Variants in PLAA observed in about 807,000 individuals in gnomAD.
PLAA encodes the protein phospholipase A2 activating protein.
Under a neutral mutation model 84.1 loss-of-function variants are expected in PLAA, and 48 were observed. The observed-to-expected ratio is 0.57, with a 90% CI of 0.45 to 0.73. The LOEUF (loss-of-function observed/expected upper bound fraction) is 0.73. PLAA is among the 30% of genes least tolerant of loss of function. The pLI is 0.00. For synonymous variants in PLAA, 392 were observed against 336.6 expected, an observed-to-expected ratio of 1.16 and a Z score of -1.80; for missense variants, 903 against 954.7, an observed-to-expected ratio of 0.95 and a Z score of 0.71.
intron 12 of PLAA, 35 bp downstream of exon 12, chr9:26,910,303 G>T: frequency 1.4e-6 from 2 of 1,462,480 alleles, no homozygotes; most frequent in Non-Finnish European, 1.9e-6. Flanking sequence ...CAAACAGTCT[G>T]TGAATATGTG....
intron 7 of PLAA, among the ~76,000 whole-genome samples, chr9:26,921,548 T>C (rs1824759803): frequency 6.6e-6 from 1 of 152,196 alleles, no homozygotes; most frequent in Non-Finnish European, 1.5e-5. Context: ...CTAACACACG[T>C]AGGTAGTTGA....
In PLAA at chr9:26,917,086, C is replaced by T. The variant is rs1316606307; in HGVS notation, c.1486+11G>A. ...GTGAAGAAAGATACATGAATCAAAA[C>T]TACATCCCACCTGTAAAAGGATCTG... On this transcript the variant is annotated intron_variant, in intron 10 of 13. Coordinates refer to ENST00000397292, the MANE Select transcript of PLAA (RefSeq NM_001031689.3). 1 of 1,610,334 alleles carries T rather than the reference C, an allele frequency of 6.2e-7. No homozygotes were observed. Among genetic ancestry groups the T allele is most frequent in the Non-Finnish European group, 8.5e-7 (1 of 1,176,922 alleles).
In PLAA at chr9:26,905,706, T is replaced by G. The variant is rs1419207852; in HGVS notation, c.2193A>C (p.Thr731=). The change falls in exon 14 of 14, where the codon ACA becomes ACC. Residue 731 remains threonine (T), a synonymous_variant. Coordinates refer to ENST00000397292, the MANE Select transcript of PLAA (RefSeq NM_001031689.3). Reference sequence around the variant, plus strand: ...CTAGGTCTTGTACTACTTCCAAGATTGTGCTAATTAGTGACAAACATTGGG... The same window carrying G: ...CTAGGTCTTGTACTACTTCCAAGATGGTGCTAATTAGTGACAAACATTGGG... ...GKAQCLSLIS[T]ILEVVQDLEA... 1.2e-6 allele frequency: 2 copies of G among 1,614,216 alleles called. No homozygotes were observed. Among genetic ancestry groups the G allele is most frequent in the Admixed American group, 1.7e-5 (1 of 60,030 alleles).
chr9:26,911,163 G>GC (rs1563906062), intron 11 of PLAA, among the ~76,000 whole-genome samples: 1 of 151,768 alleles, frequency 6.6e-6, no homozygotes, highest in Non-Finnish European at 1.5e-5. Flanking sequence ...TAGCCCTTTT[G>GC]TTTTTTTGAG....
At chr9:26,933,788 C>CA (rs199939902) in intron 2 of PLAA, among the ~76,000 whole-genome samples, 26,590 of 87,406 alleles carry the variant, frequency 0.3, 3,879 homozygotes, top group Non-Finnish European at 0.39. Context: ...GACTCTGCCT[C>CA]AAAAAAAAAA....
In PLAA at chr9:26,905,997, C is replaced by G. The variant is rs1463895200; in HGVS notation, c.1902G>C (p.Lys634Asn). ...PSVNENFCNE[K>N]EGAQFSSHLI... Reference sequence around the variant, plus strand: ...GATGACTGCTGAACTGAGCCCCTTCCTTTTCATTGCAGAAGTTCTCATTCA... The same window carrying G: ...GATGACTGCTGAACTGAGCCCCTTCGTTTTCATTGCAGAAGTTCTCATTCA... Residue 634 changes from lysine to asparagine, a missense_variant, in exon 14 of 14, where the codon AAG becomes AAC. By Grantham distance (94) the Lys-to-Asn change is moderately conservative. Transcript: ENST00000397292. 2 of 1,613,574 alleles carry G rather than the reference C, an allele frequency of 1.2e-6. No individual in the cohort carries two copies. The highest frequency in any genetic ancestry group is 1.7e-5 in the Admixed American group (1 of 59,976).
intron 2 of PLAA, among the ~76,000 whole-genome samples, chr9:26,930,675 G>C (rs900699945): frequency 6.7e-6 from 1 of 150,040 alleles, no homozygotes; most frequent in African/African-American, 2.5e-5. Flanking sequence ...CTCCGCTTCC[G>C]AGGCACAAGT....
At chr9:26,946,819 G>A (rs1467762317) in intron 1 of PLAA, 78 bp downstream of exon 1, 12 of 1,450,062 alleles carry the variant, frequency 8.3e-6, no homozygotes, top group Admixed American at 2.4e-5. Flanking sequence ...CGGCAGGACT[G>A]ACAGGGAAGG....
chr9:26,946,503 ATCT>A (rs1381848068), intron 1 of PLAA, among the ~76,000 whole-genome samples: 4 of 145,196 alleles, frequency 2.8e-5, no homozygotes, highest in Admixed American at 1.4e-4. Context: ...ACTACAGAGC[ATCT>A]TCTTCGAAAA....
At chr9:26,941,457 C>G (rs540106025) in intron 1 of PLAA, among the ~76,000 whole-genome samples, 1 of 152,086 alleles carries the variant, frequency 6.6e-6, no homozygotes, top group Admixed American at 6.6e-5. Flanking sequence ...AACTCACAAC[C>G]AGCAAGCCCC....
At chr9:26,908,045 C>G in intron 12 of PLAA, 47 bp from the exon 13 acceptor site, 3 of 1,422,876 alleles carry the variant, frequency 2.1e-6, no homozygotes, top group Non-Finnish European at 2.9e-6. Context: ...TGTAATTGGC[C>G]AGATAATATA....
At chr9:26,933,731 G>A (rs1825263042) in intron 2 of PLAA, among the ~76,000 whole-genome samples, 1 of 147,656 alleles carries the variant, frequency 6.8e-6, no homozygotes, top group African/African-American at 2.5e-5. Context: ...AGAGCTTGCA[G>A]TGAGCCGAGA....
At chr9:26,938,926 C>A (rs1362156723) in intron 1 of PLAA, among the ~76,000 whole-genome samples, 1 of 151,954 alleles carries the variant, frequency 6.6e-6, no homozygotes, top group South Asian at 2.1e-4. Context: ...ACACCAACAA[C>A]CAAAAGGGGT....
chr9:26,919,544 T>C lies in PLAA; in HGVS notation c.1198-15A>G, dbSNP rs1824685330. ...TAATCAAATTCCTAAAGTAGGAATA[T>C]AAAAAGGAGATACATGCTTATTATC... On this transcript the variant is annotated splice_polypyrimidine_tract_variant and intron_variant, in intron 8 of 13. Transcript: ENST00000397292. 2 of 1,373,222 alleles carry C rather than the reference T, an allele frequency of 1.5e-6. No homozygotes were observed. The highest frequency in any genetic ancestry group is 1.2e-5 in the South Asian group (1 of 85,570). 85.1% of individuals were successfully genotyped at this position (1,373,222 alleles called of 1,614,324 possible).
At position 26,905,488 on chromosome 9, in the gene PLAA, AT is replaced by A. The variant is rs1410964850; in HGVS notation, c.*22del. 3.3e-6 allele frequency: 5 copies of A among 1,508,248 alleles called. No homozygotes were observed. The highest frequency in any genetic ancestry group is 4.5e-6 in the Non-Finnish European group (5 of 1,108,324). 93.4% of individuals were successfully genotyped at this position (1,508,248 alleles called of 1,614,324 possible). A position where few individuals can be genotyped will look rare whatever the true frequency, so the allele number is the denominator to read the frequency against. ...GGAAAAAAACACTAATCAATTAAAA[AT>A]ATCCGTCCCTCTTCCCCACTGCTAC... On this transcript the variant is annotated 3_prime_UTR_variant, in exon 14 of 14. Coordinates refer to ENST00000397292, the MANE Select transcript of PLAA (RefSeq NM_001031689.3).
At position 26,905,889 on chromosome 9, in the gene PLAA, C is replaced by G; in HGVS notation, c.2010G>C (p.Gln670His). The G allele has an allele frequency of 6.2e-7, 1 of 1,614,108 alleles. No individual in the cohort carries two copies. The part of the protein sequence containing the change: ...LRTFCNCFVG[Q>H]AGQKLMMSQR... ...GGGACATCATGAGTTTTTGTCCTGC[C>G]TGGCCAACAAAACAATTGCAAAAAG... Residue 670 changes from glutamine to histidine, a missense_variant, in exon 14 of 14, where the codon CAG becomes CAC. By Grantham distance (24) the Gln-to-His change is conservative. Transcript: ENST00000397292.
At chr9:26,911,894 CACTT>C (rs1338319455) in intron 11 of PLAA, among the ~76,000 whole-genome samples, 10 of 152,104 alleles carry the variant, frequency 6.6e-5, no homozygotes, top group Admixed American at 2.6e-4. Flanking sequence ...AAAGACGAAA[CACTT>C]AGTGAGATTG....
intron 9 of PLAA, among the ~76,000 whole-genome samples, chr9:26,918,965 G>T (rs1421088851): frequency 6.6e-6 from 1 of 152,076 alleles, no homozygotes; most frequent in African/African-American, 2.4e-5. Context: ...ATGCATGACT[G>T]ACCAATTTAG....
At chr9:26,929,505 C>T (rs1450073343) in intron 2 of PLAA, among the ~76,000 whole-genome samples, 1 of 152,106 alleles carries the variant, frequency 6.6e-6, no homozygotes, top group Non-Finnish European at 1.5e-5. Flanking sequence ...GAAAAATTAT[C>T]TTAGGAAAGA....
Sources: allele counts gnomAD v4.1 joint callset (sites outside exome capture counted in the v4.1 genomes callset), GRCh38; gene constraint gnomAD v4.1.1; transcripts MANE v1.5; gene names NCBI Gene and HGNC (gene_info 2026-07-23, HGNC 2026-07-21).